The following SATB1 variants were observed in gnomAD, a reference collection of about 807,000 sequenced individuals.
SATB1 encodes DNA-binding protein SATB1.
In SATB1, 11 loss-of-function variants were observed where a neutral mutation model predicts 86.9. The ratio of observed to expected loss-of-function variants is 0.13; its 90% CI spans 0.08 to 0.21. SATB1 has a LOEUF of 0.21. Among genes scored for constraint, SATB1 ranks in the 10% least tolerant of loss-of-function variants. The probability of loss-of-function intolerance (pLI) is 1.00; values close to 1 mark genes in which losing one functional copy is unlikely to be tolerated. For missense variants in SATB1, 551 were observed against 937.6 expected (o/e 0.59, Z 5.39); for synonymous variants, 357 against 357.2 (o/e 1.00, Z 0.01).
At chr3:18,351,564 A>G in intron 10 of SATB1, 2 of 607,110 alleles carry the variant, frequency 3.3e-6, no homozygotes, top group Non-Finnish European at 5.7e-6. Flanking sequence ...ACAGAATCCA[A>G]TGTATAAAAT....
chr3:18,425,817 G>A (rs906397151), upstream of SATB1, among the ~76,000 whole-genome samples: 24 of 146,810 alleles, frequency 1.6e-4, no homozygotes, highest in South Asian at 1.6e-3. Flanking sequence ...GTGAGTGGGA[G>A]GGAGGAGGGG....
rs965665077 is a variant in SATB1 at position 18,424,084 on chromosome 3, G to A, written c.-482C>T. 2.6e-5 allele frequency: 4 copies of A among 151,800 alleles called. No individual in the cohort carries two copies. The highest frequency in any genetic ancestry group is 9.7e-5 in the African/African-American group (4 of 41,296). 9.4% of individuals were successfully genotyped at this position (151,800 alleles called of 1,614,324 possible). ...CCCGTTATGAGCTGTACACTGTGAT[G>A]GTGCTGGGGAAACGACGTGGTGACT... On this transcript the variant is annotated 5_prime_UTR_variant, in exon 1 of 11. Coordinates refer to ENST00000338745, the MANE Select transcript of SATB1 (RefSeq NM_002971.6).
intron 5 of SATB1, among the ~76,000 whole-genome samples, chr3:18,405,407 T>TA (rs1397218764): frequency 1.3e-5 from 2 of 151,784 alleles, no homozygotes; most frequent in African/African-American, 2.4e-5. Context: ...TAGAGCCTTT[T>TA]AAAAAAACAA....
intron 7 of SATB1, among the ~76,000 whole-genome samples, chr3:18,391,032 C>CCCAT (rs1379099318): frequency 2.0e-5 from 3 of 152,028 alleles, no homozygotes; most frequent in African/African-American, 7.2e-5. Flanking sequence ...AATTAAAGAA[C>CCCAT]CCATGCCCAT....
chr3:18,430,558 T>A (rs1167117287), intron 2 of SATB1, among the ~76,000 whole-genome samples: 1 of 152,110 alleles, frequency 6.6e-6, no homozygotes, highest in Non-Finnish European at 1.5e-5. Flanking sequence ...TAGCTACCCT[T>A]AGAAATGCCT....
chr3:18,374,805 C>A (rs1468239118), intron 9 of SATB1, among the ~76,000 whole-genome samples: 1 of 152,158 alleles, frequency 6.6e-6, no homozygotes, highest in Non-Finnish European at 1.5e-5. Flanking sequence ...ATAAATAAAT[C>A]TCTATCCATG....
intron 7 of SATB1, among the ~76,000 whole-genome samples, chr3:18,392,155 C>A (rs754077109): frequency 1.3e-5 from 2 of 151,948 alleles, no homozygotes; most frequent in Non-Finnish European, 2.9e-5. Context: ...GAGGTATCTG[C>A]AATCAAGCTA....
chr3:18,374,903 T>C (rs1014290335), intron 9 of SATB1, among the ~76,000 whole-genome samples: 5 of 152,186 alleles, frequency 3.3e-5, no homozygotes, highest in African/African-American at 1.2e-4. Context: ...TTTGCATACA[T>C]TGTAGCATGT....
chr3:18,413,678 G>A (rs948318773), intron 5 of SATB1, among the ~76,000 whole-genome samples: 9 of 152,058 alleles, frequency 5.9e-5, no homozygotes, highest in Non-Finnish European at 1.2e-4. Context: ...TTCCAAGGGT[G>A]AGAGAGGGAA....
chr3:18,437,675 A>C (rs930207179), intron 1 of SATB1, among the ~76,000 whole-genome samples: 2 of 152,174 alleles, frequency 1.3e-5, no homozygotes, highest in Non-Finnish European at 2.9e-5. Flanking sequence ...CCCAAAGGGA[A>C]ATGCAACTCT....
intron 8 of SATB1, among the ~76,000 whole-genome samples, chr3:18,378,657 A>T (rs1695887056): frequency 6.6e-6 from 1 of 152,190 alleles, no homozygotes; most frequent in Admixed American, 6.5e-5. Flanking sequence ...TTCCATTGCA[A>T]TCCTAACAAA....
chr3:18,368,795 G>A (rs745755573), intron 9 of SATB1, among the ~76,000 whole-genome samples: 1 of 152,170 alleles, frequency 6.6e-6, no homozygotes, highest in Admixed American at 6.5e-5. Flanking sequence ...GGTCTCTAAA[G>A]TGGATTGTTG....
intron 2 of SATB1, among the ~76,000 whole-genome samples, chr3:18,433,927 G>A (rs1442038675): frequency 6.6e-6 from 1 of 151,946 alleles, no homozygotes; most frequent in Non-Finnish European, 1.5e-5. Flanking sequence ...AGAGCCTTGA[G>A]GCTGTTTTTT....
Position 18,415,839 on chromosome 3 carries a change from A to G in SATB1, c.515+168T>C, listed in dbSNP as rs185502882. ...GGGGGGGATTGCTTTTAAATTATAC[A>G]TTGAAGTTAGGAAAAAAGGCAGAAG... is the stretch of plus-strand genomic sequence containing the variant. On this transcript the variant is annotated intron_variant, in intron 4 of 10. Transcript: ENST00000338745. Among the ~76,000 whole-genome samples the G allele has an allele frequency of 2.1e-3, 318 of 152,088 alleles. 1 individual carries two copies. The Middle Eastern group carries it at 0.027, about 13-fold the overall frequency.
chr3:18,420,803 C>T lies in SATB1; in HGVS notation c.165G>A (p.Val55=). ...LGSTGAKMQG[V]PLKHSGHLMK... Reference sequence around the variant, plus strand: ...TCAGATGGCCCGAGTGTTTTAAAGGCACTCCCTGCATTTTTGCACCTGTAC... The same window carrying T: ...TCAGATGGCCCGAGTGTTTTAAAGGTACTCCCTGCATTTTTGCACCTGTAC... Residue 55 remains valine (V), a synonymous_variant, in exon 2 of 11, where the codon GTG becomes GTA. Coordinates refer to ENST00000338745, the MANE Select transcript of SATB1 (RefSeq NM_002971.6). The T allele has an allele frequency of 1.2e-6, 2 of 1,614,160 alleles. No individual in the cohort carries two copies. Among genetic ancestry groups the T allele is most frequent in the Non-Finnish European group, 1.7e-6 (2 of 1,180,040 alleles).
intron 10 of SATB1, chr3:18,351,310 C>A: frequency 6.5e-7 from 1 of 1,541,890 alleles, no homozygotes; most frequent in South Asian, 1.2e-5. Flanking sequence ...TGTGCCCGCT[C>A]ACCTGAGGAG....
intron 7 of SATB1, among the ~76,000 whole-genome samples, chr3:18,392,564 T>C (rs964872866): frequency 1.8e-5 from 2 of 112,338 alleles, no homozygotes; most frequent in Admixed American, 8.8e-5. Context: ...TACATATATA[T>C]ACACACACAT....
At chr3:18,355,411 A>G (rs1364249542) in intron 9 of SATB1, among the ~76,000 whole-genome samples, 1 of 152,120 alleles carries the variant, frequency 6.6e-6, no homozygotes, top group Non-Finnish European at 1.5e-5. Context: ...GCAGAAAATG[A>G]CTAAAGAAGC....
rs1559410363 is a variant in SATB1, at chr3:18,373,734, T to C, written c.1575+4436A>G. Among the ~76,000 whole-genome samples the C allele has an allele frequency of 2.6e-5, 4 of 152,148 alleles. 1 individual carries two copies. The South Asian group carries it at 8.3e-4, about 31-fold the overall frequency. On this transcript the variant is annotated intron_variant, in intron 9 of 10. Coordinates refer to ENST00000338745, the MANE Select transcript of SATB1 (RefSeq NM_002971.6). Reference sequence around the variant, plus strand: ...TCATCCTAGGGGCCATGAATCTCAATGACAAACAAAAGTGACTGAAAAGTA... The same window carrying C: ...TCATCCTAGGGGCCATGAATCTCAACGACAAACAAAAGTGACTGAAAAGTA...
Sources: gnomAD v4.1 joint callset for allele counts (sites outside exome capture counted in the v4.1 genomes callset) on GRCh38, gnomAD v4.1.1 for gene constraint, MANE v1.5 for transcripts, NCBI Gene and HGNC (gene_info 2026-07-23, HGNC 2026-07-21) for gene names.